Variants in CACNA1G observed in about 807,000 individuals in gnomAD.
CACNA1G encodes voltage-dependent T-type calcium channel subunit alpha-1G.
CACNA1G carries 67 observed loss-of-function variants against 219.4 expected under a neutral mutation model. The observed-to-expected ratio is 0.31, with a 90% confidence interval of 0.25 to 0.37. The LOEUF (loss-of-function observed/expected upper bound fraction) is 0.37, where lower values mean the gene tolerates loss of function less well. Ranked by LOEUF, CACNA1G falls within the 10% of genes least tolerant of loss-of-function variation. CACNA1G has a pLI of 1.00. For synonymous variants in CACNA1G, 1,296 were observed against 1,345.3 expected, an observed-to-expected ratio of 0.96 and a Z score of 0.80; for missense variants, 2,380 against 3,231.4, an observed-to-expected ratio of 0.74 and a Z score of 6.39.
chr17:50,599,302 C>T, intron 16 of CACNA1G, 126 bp from the exon 17 acceptor site: 1 of 890,228 alleles, frequency 1.1e-6, no homozygotes, highest in Non-Finnish European at 1.7e-6. Context: ...CATCAGAGTC[C>T]AGAGCTCCTG....
Position 50,603,698 on chromosome 17 carries a change from A to C in CACNA1G, c.4170-457A>C, listed in dbSNP as rs1598520534. ...GGAATCCCTTTCCAATCAGCCAGTC[A>C]CCACCCCCAACTCAGATTTTTTTTT... On this transcript the variant is annotated intron_variant, in intron 21 of 37. Transcript: ENST00000359106. The surrounding 1 kb of genome is among the most constrained non-coding windows in gnomAD (Gnocchi z 6.4). Among the ~76,000 whole-genome samples, 1 of 143,782 alleles carries C rather than the reference A, an allele frequency of 7.0e-6. No individual in the cohort carries two copies. Among genetic ancestry groups the C allele is most frequent in the Non-Finnish European group, 1.5e-5 (1 of 66,262 alleles). The allele number at this position is 143,782 out of a possible 152,430, so 94.3% of individuals were successfully genotyped here.
Position 50,624,426 on chromosome 17 carries a change from C to T in CACNA1G, c.6296C>T (p.Ala2099Val), listed in dbSNP as rs2053136167. 2 of 1,598,450 alleles carry T rather than the reference C, an allele frequency of 1.3e-6. No homozygotes were observed. Among genetic ancestry groups the T allele is most frequent in the Non-Finnish European group, 1.7e-6 (2 of 1,173,156 alleles). The change falls in exon 37 of 38, where the codon GCA becomes GTA. Residue 2099 changes from alanine (A) to valine (V), a missense_variant. By Grantham distance (64) the Ala-to-Val change is moderately conservative. Transcript: ENST00000359106. ...TACATCCTGCAGCTTCCCAAAGATG[C>T]ACCTCATCTGCTCCAGCCCCACAGC... ...TSYILQLPKDAPHLLQPHSAP... is the reference protein window; with the variant it reads ...TSYILQLPKDVPHLLQPHSAP...
chr17:50,569,443 C>A, intron 3 of CACNA1G, 145 bp downstream of exon 3: 1 of 879,256 alleles, frequency 1.1e-6, no homozygotes, highest in Middle Eastern at 3.4e-4. Context: ...CTGAGGCTGC[C>A]CTGCCTCTAG....
chr17:50,626,732 C>G lies in CACNA1G; in HGVS notation c.7115C>G (p.Pro2372Arg). The G allele has an allele frequency of 6.2e-7, 1 of 1,613,244 alleles. No individual in the cohort carries two copies. The highest frequency in any genetic ancestry group is 8.5e-7 in the Non-Finnish European group (1 of 1,179,898). Reference sequence around the variant, plus strand: ...AGTCTCTCCGGTTTATCCTCTGACCCAGCAGACCTGGACCCCTGAGTCCTG... The same window carrying G: ...AGTCTCTCCGGTTTATCCTCTGACCGAGCAGACCTGGACCCCTGAGTCCTG... ...VLSLSGLSSD[P>R]ADLDP Residue 2372 changes from proline (P) to arginine (R), a missense_variant, in exon 38 of 38, where the codon CCA (proline) becomes CGA (arginine). Pro to Arg is a moderately radical substitution (Grantham distance 103). Coordinates refer to ENST00000359106, the MANE Select transcript of CACNA1G (RefSeq NM_018896.5). The surrounding 1 kb of genome is among the most constrained non-coding windows in gnomAD (Gnocchi z 4.3).
chr17:50,575,924 G>C lies in CACNA1G; in HGVS notation c.1522G>C (p.Gly508Arg). 1 of 1,557,790 alleles carries C rather than the reference G, an allele frequency of 6.4e-7. No individual in the cohort carries two copies. The highest frequency in any genetic ancestry group is 1.2e-5 in the South Asian group (1 of 84,760). Reference protein sequence around the residue: ...HHHHHHHYHLGNGTLRAPRAS... With the variant: ...HHHHHHHYHLRNGTLRAPRAS... ...CCACCATCACCACCACTACCACCTG[G>C]GCAATGGGACGCTCAGGGCCCCCCG... Residue 508 changes from glycine to arginine, a missense_variant, in exon 8 of 38, where the codon GGC (glycine) becomes CGC (arginine). Coordinates refer to ENST00000359106, the MANE Select transcript of CACNA1G (RefSeq NM_018896.5).
At position 50,621,589 on chromosome 17, in the gene CACNA1G, C is replaced by G; in HGVS notation, c.5926-71C>G. Reference sequence around the variant, plus strand: ...GGGAAGTGGGGACTGAGAGAGAGCGCGTGTGTGCGTGTGCACGCGCGTGTG... The same window carrying G: ...GGGAAGTGGGGACTGAGAGAGAGCGGGTGTGTGCGTGTGCACGCGCGTGTG... On this transcript the variant is annotated intron_variant, in intron 34 of 37. Transcript: ENST00000359106. This position sits in a 1 kb window ranked among gnomAD's most constrained non-coding sequence, Gnocchi z 4.6. 3.2e-6 allele frequency: 5 copies of G among 1,540,070 alleles called. No individual in the cohort carries two copies. The highest frequency in any genetic ancestry group is 4.4e-6 in the Non-Finnish European group (5 of 1,124,494).
intron 9 of CACNA1G, among the ~76,000 whole-genome samples, chr17:50,584,296 G>C (rs1239239554): frequency 6.6e-6 from 1 of 152,062 alleles, no homozygotes; most frequent in African/African-American, 2.4e-5. Context: ...AGCGGGCTTA[G>C]ACTGAACTCT....
chr17:50,576,413 G>A (rs973765709), intron 8 of CACNA1G, 87 bp downstream of exon 8: 2 of 1,310,260 alleles, frequency 1.5e-6, no homozygotes, highest in African/African-American at 2.9e-5. Flanking sequence ...TGGAGTCAGA[G>A]GGACCAGGGC....
chr17:50,617,170 T>C lies in CACNA1G; in HGVS notation c.5022-268T>C, dbSNP rs1299502746. Among the ~76,000 whole-genome samples the C allele has an allele frequency of 6.6e-6, 1 of 152,220 alleles. No individual in the cohort carries two copies. The highest frequency in any genetic ancestry group is 1.5e-5 in the Non-Finnish European group (1 of 68,046). ...AAAGCTCTTAAAAGTGCCTGGTGCA[T>C]AGTGAACACCATATAAGTGCTAAAT... On this transcript the variant is annotated intron_variant, in intron 28 of 37. Coordinates refer to ENST00000359106, the MANE Select transcript of CACNA1G (RefSeq NM_018896.5). The surrounding 1 kb of genome is among the most constrained non-coding windows in gnomAD (Gnocchi z 5.8).
At chr17:50,576,384 C>G in intron 8 of CACNA1G, 58 bp downstream of exon 8, 1 of 1,504,584 alleles carries the variant, frequency 6.6e-7, no homozygotes, top group Non-Finnish European at 9.0e-7. Context: ...GGTGGCGTCC[C>G]AGAGGGGACT....
intron 9 of CACNA1G, among the ~76,000 whole-genome samples, chr17:50,583,836 G>A (rs547742824): frequency 7.9e-5 from 12 of 152,202 alleles, no homozygotes; most frequent in African/African-American, 9.7e-5. Flanking sequence ...CGAGGAAGCC[G>A]GTGCTTCCCA....
At chr17:50,566,144 T>C (rs1027342154) in intron 1 of CACNA1G, among the ~76,000 whole-genome samples, 1 of 152,148 alleles carries the variant, frequency 6.6e-6, no homozygotes, top group Non-Finnish European at 1.5e-5. Flanking sequence ...ACAGCCTCAG[T>C]CAGGGGAGAT....
At position 50,596,411 on chromosome 17, in the gene CACNA1G, G is replaced by C; in HGVS notation, c.2980-151G>C. 1.5e-6 allele frequency: 1 copy of C among 664,892 alleles called. No homozygotes were observed. Among genetic ancestry groups the C allele is most frequent in the East Asian group, 2.7e-5 (1 of 36,536 alleles). The allele number at this position is 664,892 out of a possible 1,614,324, so 41.2% of individuals were successfully genotyped here. ...GAAGCCTCGGGCCCCAAGCCTGGGG[G>C]GTCTGGCCTGCGCCGTGCATGTCTC... On this transcript the variant is annotated intron_variant, in intron 14 of 37. Coordinates refer to ENST00000359106, the MANE Select transcript of CACNA1G (RefSeq NM_018896.5). The surrounding 1 kb of genome is among the most constrained non-coding windows in gnomAD (Gnocchi z 4.8).
At chr17:50,569,100 G>T in intron 2 of CACNA1G, 65 bp from the exon 3 acceptor site, 1 of 1,582,822 alleles carries the variant, frequency 6.3e-7, no homozygotes, top group Admixed American at 1.8e-5. Flanking sequence ...TGGGGACTAG[G>T]GTGGGACTAG....
At chr17:50,623,258 A>G (rs1326863976) in intron 35 of CACNA1G, among the ~76,000 whole-genome samples, 3 of 126,498 alleles carry the variant, frequency 2.4e-5, no homozygotes, top group East Asian at 4.6e-4. Flanking sequence ...CACCATATCC[A>G]GCTAATTTTT....
intron 7 of CACNA1G, 183 bp downstream of exon 7, chr17:50,573,296 C>T (rs1376750158): frequency 3.4e-6 from 2 of 591,408 alleles, no homozygotes; most frequent in East Asian, 2.9e-5. Flanking sequence ...AATCCAAGGT[C>T]AAGGCGGGAC....
Position 50,604,357 on chromosome 17 carries a change from G to T in CACNA1G, c.4296+76G>T, listed in dbSNP as rs879238346. ...TTCCCCTTGGCCCCTGGGTCCTATG[G>T]CTCAAGCTGCTGTTGCTGCCTTCAT... On this transcript the variant is annotated intron_variant, in intron 22 of 37. Coordinates refer to ENST00000359106, the MANE Select transcript of CACNA1G (RefSeq NM_018896.5). The T allele has an allele frequency of 6.5e-6, 10 of 1,534,346 alleles. No homozygotes were observed. In the South Asian group the frequency reaches 7.2e-5, roughly 11 times the overall value.
Position 50,626,000 on chromosome 17 carries a change from T to C in CACNA1G, c.6400-17T>C. The C allele has an allele frequency of 6.3e-7, 1 of 1,583,640 alleles. No individual in the cohort carries two copies. The highest frequency in any genetic ancestry group is 8.6e-7 in the Non-Finnish European group (1 of 1,160,416). On this transcript the variant is annotated splice_polypyrimidine_tract_variant and intron_variant, in intron 37 of 37. Transcript: ENST00000359106. ...GAGAGGAGACTGCTGGGCTGAGCCC[T>C]CCCCCACCCCATATAGGCAGCAATA... is the stretch of plus-strand genomic sequence containing the variant.
rs1193818657 is a variant in CACNA1G at position 50,596,002 on chromosome 17, T to C, written c.2980-560T>C. ...CCAGAGACAGGGAGAGAGGTAAAAA[T>C]GGGGCCAGGGAGGGGGCCGGGACTT... is the stretch of plus-strand genomic sequence containing the variant. On this transcript the variant is annotated intron_variant, in intron 14 of 37. Transcript: ENST00000359106. This position sits in a 1 kb window ranked among gnomAD's most constrained non-coding sequence, Gnocchi z 4.8. Among the ~76,000 whole-genome samples the C allele has an allele frequency of 1.3e-5, 2 of 151,810 alleles. No homozygotes were observed. Among genetic ancestry groups the C allele is most frequent in the East Asian group, 3.9e-4 (2 of 5,184 alleles).
Sources: allele counts gnomAD v4.1 joint callset (sites outside exome capture counted in the v4.1 genomes callset), GRCh38; gene constraint gnomAD v4.1.1; non-coding constraint Gnocchi (gnomAD v3.1); transcripts MANE v1.5; gene names NCBI Gene and HGNC (gene_info 2026-07-23, HGNC 2026-07-21).